The following FHIP2A variants were observed in gnomAD, a reference collection of about 807,000 sequenced individuals.
FHIP2A encodes family with sequence similarity 160 member B1.
A neutral mutation model predicts 93.5 loss-of-function variants in FHIP2A; 46 were observed. That is an observed-to-expected ratio of 0.49 (90% CI 0.39 to 0.63). The LOEUF is 0.63. FHIP2A is among the 20% of genes least tolerant of loss of function. The pLI, the probability that FHIP2A is intolerant of heterozygous loss-of-function variation, is 0.00. For missense variants in FHIP2A, 769 were observed against 909.7 expected (o/e 0.85, Z 1.99); for synonymous variants, 332 against 326.5 (o/e 1.02, Z -0.18).
At chr10:114,868,466 C>T (rs896518732), downstream of FHIP2A, among the ~76,000 whole-genome samples, 9 of 152,072 alleles carry the variant, frequency 5.9e-5, no homozygotes, top group African/African-American at 1.9e-4. Flanking sequence ...TTTCATGAAA[C>T]CAGTCCCTGG....
At chr10:114,882,118 C>G (rs548760996) in intron 16 of FHIP2A, among the ~76,000 whole-genome samples, 84 of 152,346 alleles carry the variant, frequency 5.5e-4, no homozygotes, top group African/African-American at 1.9e-3. Context: ...AGTCTGCTTA[C>G]TCACGGACAG....
chr10:114,851,511 T>C (rs549573712), intron 13 of FHIP2A, among the ~76,000 whole-genome samples: 1 of 152,182 alleles, frequency 6.6e-6, no homozygotes, highest in East Asian at 1.9e-4. Context: ...TAAAGTTTAT[T>C]TGAGGACTCT....
intron 16 of FHIP2A, chr10:114,899,457 T>G: frequency 1.4e-6 from 1 of 718,498 alleles, no homozygotes; most frequent in South Asian, 1.5e-5. Context: ...CCGTCTTACC[T>G]TCATTTCCTG....
rs1318798906 is a variant in FHIP2A, at chr10:114,863,516, A to G, written c.*1976A>G. ...AGCTTTAACTCTTATATTTGTGTAT[A>G]TGTATGCTGCTTCTGAAAATATAAT... is the stretch of plus-strand genomic sequence containing the variant. On this transcript the variant is annotated 3_prime_UTR_variant, in exon 17 of 17. Coordinates refer to ENST00000369248, the MANE Select transcript of FHIP2A (RefSeq NM_020940.4). The G allele has an allele frequency of 3.4e-6, 4 of 1,169,526 alleles. No individual in the cohort carries two copies. Among genetic ancestry groups the G allele is most frequent in the East Asian group, 6.4e-5 (1 of 15,546 alleles). The allele number at this position is 1,169,526 out of a possible 1,614,324, so 72.4% of individuals were successfully genotyped here. A position where few individuals can be genotyped will look rare whatever the true frequency, so the allele number is the denominator to read the frequency against.
Position 114,846,559 on chromosome 10 carries a change from A to G in FHIP2A, c.1399A>G (p.Ile467Val). 1.9e-6 allele frequency: 3 copies of G among 1,582,620 alleles called. No homozygotes were observed. Among genetic ancestry groups the G allele is most frequent in the Admixed American group, 1.9e-5 (1 of 52,616 alleles). The change falls in exon 11 of 17, where the codon ATA becomes GTA. Residue 467 changes from isoleucine to valine, a missense_variant and splice_region_variant. Ile to Val is a conservative substitution (Grantham distance 29). Coordinates refer to ENST00000369248, the MANE Select transcript of FHIP2A (RefSeq NM_020940.4). ...TAGCTTTTATCAATTTTGGTTTCAG[A>G]TAAGCATAATGACATTACGAATGTT... ...IEHCDHISDE[I>V]SIMTLRMFEH...
chr10:114,826,068 T>C (rs994480105), intron 1 of FHIP2A, among the ~76,000 whole-genome samples: 1 of 152,242 alleles, frequency 6.6e-6, no homozygotes, highest in African/African-American at 2.4e-5. Context: ...ACAAATCAAA[T>C]GTATCTCATG....
chr10:114,875,748 GAAAGAGAA>G (rs1319616375), intron 16 of FHIP2A, among the ~76,000 whole-genome samples: 1 of 141,018 alleles, frequency 7.1e-6, no homozygotes, highest in African/African-American at 2.6e-5. Flanking sequence ...AAGAAAGAAA[GAAAGAGAA>G]AGAAAGAAAG....
rs1400519127 is a variant in FHIP2A, at chr10:114,862,497, G to A, written c.*957G>A. Reference sequence around the variant, plus strand: ...ATCAAAGTGCCAGTGGCTCCTCGATGTTTACATTTTTTTCTATTTTGTTCA... The same window carrying A: ...ATCAAAGTGCCAGTGGCTCCTCGATATTTACATTTTTTTCTATTTTGTTCA... On this transcript the variant is annotated 3_prime_UTR_variant, in exon 17 of 17. Coordinates refer to ENST00000369248, the MANE Select transcript of FHIP2A (RefSeq NM_020940.4). 1.0e-6 allele frequency: 1 copy of A among 987,254 alleles called. No homozygotes were observed. The highest frequency in any genetic ancestry group is 1.2e-6 in the Non-Finnish European group (1 of 830,052). The allele number at this position is 987,254 out of a possible 1,614,324, so 61.2% of individuals were successfully genotyped here.
At chr10:114,874,344 C>T (rs1333386009) in intron 16 of FHIP2A, among the ~76,000 whole-genome samples, 1 of 152,182 alleles carries the variant, frequency 6.6e-6, no homozygotes, top group East Asian at 1.9e-4. Flanking sequence ...TGCCCCATTA[C>T]TTATAGCACA....
chr10:114,881,940 G>T (rs544899453), intron 16 of FHIP2A, among the ~76,000 whole-genome samples: 1 of 152,216 alleles, frequency 6.6e-6, no homozygotes, highest in Admixed American at 6.5e-5. Flanking sequence ...GTGCACGTGC[G>T]CGTGTGTATG....
intron 14 of FHIP2A, among the ~76,000 whole-genome samples, chr10:114,855,910 G>C (rs1186961738): frequency 1.3e-5 from 2 of 152,198 alleles, no homozygotes; most frequent in Non-Finnish European, 2.9e-5. Flanking sequence ...ACTGTTAGGA[G>C]AAATAAATTT....
At chr10:114,894,499 G>A (rs990285987) in intron 16 of FHIP2A, among the ~76,000 whole-genome samples, 5 of 152,082 alleles carry the variant, frequency 3.3e-5, no homozygotes, top group African/African-American at 7.2e-5. Flanking sequence ...GTCCGGGGAC[G>A]TCAAGGCTGC....
chr10:114,852,034 C>T (rs540779357), intron 13 of FHIP2A, among the ~76,000 whole-genome samples: 4 of 151,780 alleles, frequency 2.6e-5, no homozygotes, highest in African/African-American at 7.3e-5. Flanking sequence ...GTGTATTGAG[C>T]GTCTATCCTG....
chr10:114,887,118 A>G (rs917325261), intron 16 of FHIP2A, among the ~76,000 whole-genome samples: 1 of 152,204 alleles, frequency 6.6e-6, no homozygotes, highest in African/African-American at 2.4e-5. Context: ...CATTTTCTGC[A>G]AAGTTTTCAC....
intron 16 of FHIP2A, among the ~76,000 whole-genome samples, chr10:114,884,993 G>A (rs1286138331): frequency 4.0e-5 from 6 of 151,502 alleles, no homozygotes; most frequent in South Asian, 4.2e-4. Context: ...AACATTAGCT[G>A]CCATTATCAT....
chr10:114,885,309 C>T (rs943636301), intron 16 of FHIP2A, among the ~76,000 whole-genome samples: 3 of 150,492 alleles, frequency 2.0e-5, no homozygotes, highest in Admixed American at 1.3e-4. Context: ...GCAGGAGAAT[C>T]GTTTGAAGCA....
At chr10:114,868,975 CAA>C (rs1190962310), downstream of FHIP2A, among the ~76,000 whole-genome samples, 1 of 152,056 alleles carries the variant, frequency 6.6e-6, no homozygotes, top group African/African-American at 2.4e-5. Flanking sequence ...GAAAAAAGAA[CAA>C]GAGACACACC....
chr10:114,878,307 A>G (rs1481535797), intron 16 of FHIP2A, among the ~76,000 whole-genome samples: 1 of 152,198 alleles, frequency 6.6e-6, no homozygotes, highest in East Asian at 1.9e-4. Flanking sequence ...TTTCACGCCC[A>G]CTGGCTAAGA....
intron 7 of FHIP2A, 68 bp downstream of exon 7, chr10:114,844,005 C>A: frequency 7.6e-7 from 1 of 1,310,898 alleles, no homozygotes; most frequent in Non-Finnish European, 1.0e-6. Context: ...AAATCCATTT[C>A]TATTTTGCAA....
Sources: gnomAD v4.1 joint callset for allele counts (sites outside exome capture counted in the v4.1 genomes callset) on GRCh38, gnomAD v4.1.1 for gene constraint, MANE v1.5 for transcripts, NCBI Gene and HGNC (gene_info 2026-07-23, HGNC 2026-07-21) for gene names.